The following MRPS28 variants were observed in gnomAD, a reference collection of about 807,000 sequenced individuals.
MRPS28 encodes small ribosomal subunit protein bS1m.
Under a neutral mutation model 10.8 loss-of-function variants are expected in MRPS28, and 7 were observed. The observed-to-expected ratio is 0.65, with a 90% CI of 0.37 to 1.22. The LOEUF is 1.22. MRPS28 is among the 50% of genes most tolerant of loss of function. The pLI is 0.02. For missense variants in MRPS28, 265 were observed against 232.9 expected (o/e 1.14, Z -0.90); for synonymous variants, 121 against 93.3 (o/e 1.30, Z -1.71).
At chr8:79,999,458 A>G (rs1464821503) in intron 2 of MRPS28, among the ~76,000 whole-genome samples, 1 of 152,200 alleles carries the variant, frequency 6.6e-6, no homozygotes, top group East Asian at 1.9e-4. Context: ...TCTCAATAAT[A>G]TTTTCAAAGC....
chr8:79,926,968 T>G (rs1810248810), intron 2 of MRPS28, among the ~76,000 whole-genome samples: 1 of 152,178 alleles, frequency 6.6e-6, no homozygotes, highest in Admixed American at 6.5e-5. Flanking sequence ...AATCACTGAT[T>G]AATGCGTTCA....
chr8:80,004,671 G>A (rs917922939), intron 1 of MRPS28, among the ~76,000 whole-genome samples: 1 of 152,178 alleles, frequency 6.6e-6, no homozygotes, highest in African/African-American at 2.4e-5. Context: ...GAAGGCTTCA[G>A]ACGATCAAAC....
chr8:79,932,040 C>T (rs1050657678), intron 2 of MRPS28, among the ~76,000 whole-genome samples: 1 of 152,184 alleles, frequency 6.6e-6, no homozygotes, highest in African/African-American at 2.4e-5. Flanking sequence ...GGAGTACTTG[C>T]CCTGGCCCTG....
At chr8:79,984,747 C>T (rs1220165705) in intron 2 of MRPS28, among the ~76,000 whole-genome samples, 4 of 152,066 alleles carry the variant, frequency 2.6e-5, no homozygotes, top group African/African-American at 9.7e-5. Context: ...TATGTGCACC[C>T]AATACAGGAG....
chr8:79,943,370 C>T (rs147293688), intron 2 of MRPS28, among the ~76,000 whole-genome samples: 1 of 152,332 alleles, frequency 6.6e-6, no homozygotes, highest in East Asian at 1.9e-4. Flanking sequence ...GTTTTCATCA[C>T]AAAATATTGC....
rs892476025 is a variant in MRPS28 at position 79,962,959 on chromosome 8, C to T, written c.395+40040G>A. Among the ~76,000 whole-genome samples the T allele has an allele frequency of 1.1e-4, 16 of 152,154 alleles. 1 individual carries two copies. The Middle Eastern group carries it at 0.017, about 162-fold the overall frequency. On this transcript the variant is annotated intron_variant, in intron 2 of 2. Coordinates refer to ENST00000276585, the MANE Select transcript of MRPS28 (RefSeq NM_014018.3). ...GCCTCAATTCACTCTGATGTACTTG[C>T]CATGCCTGGGGAACACAGACCTCTT...
chr8:79,995,871 T>C (rs1438787876), intron 2 of MRPS28, among the ~76,000 whole-genome samples: 1 of 152,138 alleles, frequency 6.6e-6, no homozygotes, highest in Non-Finnish European at 1.5e-5. Flanking sequence ...ATAGGCATAC[T>C]GGAAGAGGAA....
In MRPS28 at chr8:79,918,881, T is replaced by C; in HGVS notation, c.*99A>G. On this transcript the variant is annotated 3_prime_UTR_variant, in exon 3 of 3. Transcript: ENST00000276585. ...TATCTATAATTATAGCTTTTATTTA[T>C]TATATCTTCATTCAATCATTTATTC... 1 of 997,004 alleles carries C rather than the reference T, an allele frequency of 1.0e-6. No individual in the cohort carries two copies. Among genetic ancestry groups the C allele is most frequent in the Non-Finnish European group, 1.4e-6 (1 of 726,142 alleles). The allele number at this position is 997,004 out of a possible 1,614,324, so 61.8% of individuals were successfully genotyped here. A position where few individuals can be genotyped will look rare whatever the true frequency, so the allele number is the denominator to read the frequency against.
At chr8:79,931,157 G>A (rs1806451505) in intron 2 of MRPS28, among the ~76,000 whole-genome samples, 1 of 152,060 alleles carries the variant, frequency 6.6e-6, no homozygotes, top group Non-Finnish European at 1.5e-5. Context: ...GTAGAATAGT[G>A]ACTTATTTTT....
chr8:79,928,106 T>C (rs909525313), intron 2 of MRPS28, among the ~76,000 whole-genome samples: 8 of 151,748 alleles, frequency 5.3e-5, no homozygotes, highest in African/African-American at 1.7e-4. Context: ...GGAGGATAGC[T>C]TGAGTCCAAG....
intron 2 of MRPS28, among the ~76,000 whole-genome samples, chr8:79,980,574 T>C (rs955178376): frequency 6.6e-6 from 1 of 152,228 alleles, no homozygotes; most frequent in African/African-American, 2.4e-5. Context: ...AACAGGTTAC[T>C]ACAGCCTCTT....
At chr8:79,983,462 G>A (rs895079056) in intron 2 of MRPS28, among the ~76,000 whole-genome samples, 1 of 152,162 alleles carries the variant, frequency 6.6e-6, no homozygotes, top group Non-Finnish European at 1.5e-5. Flanking sequence ...GGCTTCAGAC[G>A]ATCAAACTAC....
chr8:79,987,938 C>A (rs895140042), intron 2 of MRPS28, among the ~76,000 whole-genome samples: 2 of 152,082 alleles, frequency 1.3e-5, no homozygotes, highest in Non-Finnish European at 2.9e-5. Flanking sequence ...ACCCAAAGGA[C>A]TATAAATCAT....
chr8:80,006,144 A>T (rs1188723800), intron 1 of MRPS28, among the ~76,000 whole-genome samples: 2 of 152,244 alleles, frequency 1.3e-5, no homozygotes, highest in Admixed American at 6.5e-5. Flanking sequence ...TCTAACAGAC[A>T]TCTACAGAAC....
chr8:79,928,649 C>A (rs1297467721), intron 2 of MRPS28, among the ~76,000 whole-genome samples: 1 of 151,818 alleles, frequency 6.6e-6, no homozygotes, highest in Non-Finnish European at 1.5e-5. Flanking sequence ...CCATGTTGCC[C>A]AGGCTGGTCT....
chr8:79,951,849 A>G (rs1348410180), intron 2 of MRPS28, among the ~76,000 whole-genome samples: 1 of 152,214 alleles, frequency 6.6e-6, no homozygotes, highest in Non-Finnish European at 1.5e-5. Flanking sequence ...CTATACAGGG[A>G]AAAAGGCCAG....
At chr8:79,922,885 G>A (rs1810131853) in intron 2 of MRPS28, among the ~76,000 whole-genome samples, 1 of 151,866 alleles carries the variant, frequency 6.6e-6, no homozygotes, top group African/African-American at 2.4e-5. Flanking sequence ...AACAGAAAAT[G>A]AAGAAACAAA....
At chr8:79,976,718 AAAG>A (rs1247333940) in intron 2 of MRPS28, among the ~76,000 whole-genome samples, 1 of 152,182 alleles carries the variant, frequency 6.6e-6, no homozygotes, top group Non-Finnish European at 1.5e-5. Flanking sequence ...AACAAAAGGA[AAAG>A]AAAAGAAAAA....
intron 2 of MRPS28, among the ~76,000 whole-genome samples, chr8:79,949,672 A>G (rs1392082640): frequency 6.6e-6 from 1 of 152,210 alleles, no homozygotes; most frequent in Non-Finnish European, 1.5e-5. Context: ...TGAGTTCATA[A>G]TAATTGTTGT....
Sources: allele counts gnomAD v4.1 joint callset (sites outside exome capture counted in the v4.1 genomes callset), GRCh38; gene constraint gnomAD v4.1.1; transcripts MANE v1.5; gene names NCBI Gene and HGNC (gene_info 2026-07-23, HGNC 2026-07-21).